The following EML4 variants were observed in gnomAD, a reference collection of about 807,000 sequenced individuals.
EML4 encodes echinoderm microtubule-associated protein-like 4.
Under a neutral mutation model 129.0 loss-of-function variants are expected in EML4, and 72 were observed. That is an observed-to-expected ratio of 0.56 (90% CI 0.46 to 0.68). The LOEUF (loss-of-function observed/expected upper bound fraction) is 0.68. Ranked by LOEUF, EML4 falls within the 30% of genes least tolerant of loss-of-function variation. EML4 has a pLI of 0.00. For missense variants in EML4, 1,363 were observed against 1,190.6 expected, an observed-to-expected ratio of 1.14 and a Z score of -2.13; for synonymous variants, 532 against 405.0, an observed-to-expected ratio of 1.31 and a Z score of -3.77.
At chr2:42,211,247 A>G (rs960538473) in intron 1 of EML4, among the ~76,000 whole-genome samples, 2 of 152,190 alleles carry the variant, frequency 1.3e-5, no homozygotes, top group African/African-American at 4.8e-5. Flanking sequence ...AAAAAAAATC[A>G]CATACTCCTG....
chr2:42,182,986 C>T (rs6712625), intron 1 of EML4, among the ~76,000 whole-genome samples: 1,704 of 152,204 alleles, frequency 0.011, 34 homozygotes, highest in African/African-American at 0.038. Context: ...CACTGCCTGT[C>T]TCTACCAAAA....
At chr2:42,239,174 A>G (rs1016551468) in intron 1 of EML4, among the ~76,000 whole-genome samples, 3 of 152,234 alleles carry the variant, frequency 2.0e-5, no homozygotes, top group South Asian at 2.1e-4. Context: ...AAGTGGTTAC[A>G]TTATGATGGT....
At chr2:42,189,449 G>A (rs1671454676) in intron 1 of EML4, among the ~76,000 whole-genome samples, 2 of 152,180 alleles carry the variant, frequency 1.3e-5, no homozygotes, top group South Asian at 4.1e-4. Flanking sequence ...GCGTGGTAGT[G>A]CATATCTGCA....
rs758655833 is a variant in EML4, at chr2:42,325,214, G to C, written c.2155-253G>C. 5.3e-6 allele frequency: 3 copies of C among 564,910 alleles called. No individual in the cohort carries two copies. In the Admixed American group the frequency reaches 5.7e-5, roughly 11 times the overall value. 35.0% of individuals were successfully genotyped at this position (564,910 alleles called of 1,614,324 possible). A position where few individuals can be genotyped will look rare whatever the true frequency, so the allele number is the denominator to read the frequency against. On this transcript the variant is annotated intron_variant, in intron 19 of 22. Coordinates refer to ENST00000318522, the MANE Select transcript of EML4 (RefSeq NM_019063.5). The stretch of plus-strand genomic sequence containing the variant: ...CTGTAAGATACAAGTTTAAGAGACT[G>C]TCTTTCTTGGAAGTGTCTAATACAG...
At chr2:42,318,277 A>G (rs1271323192) in intron 19 of EML4, among the ~76,000 whole-genome samples, 3 of 152,362 alleles carry the variant, frequency 2.0e-5, no homozygotes, top group South Asian at 4.1e-4. Flanking sequence ...AAAACAGTTC[A>G]TTTTAGGGAA....
At chr2:42,213,658 A>T (rs1045564948) in intron 1 of EML4, among the ~76,000 whole-genome samples, 1 of 152,220 alleles carries the variant, frequency 6.6e-6, no homozygotes, top group Non-Finnish European at 1.5e-5. Context: ...CGCAGCAGCG[A>T]TATGAATCTT....
At position 42,256,674 on chromosome 2, in the gene EML4, T is replaced by G. The variant is rs758825020; in HGVS notation, c.338+44T>G. The G allele has an allele frequency of 1.7e-5, 27 of 1,608,130 alleles. No homozygotes were observed. The South Asian group carries it at 2.1e-4, about 12-fold the overall frequency. ...GGGAAAAACTAACATTGCAGAATTG[T>G]CTGAATGTGGTAGAGATCTCCCTTT... On this transcript the variant is annotated intron_variant, in intron 3 of 22. Transcript: ENST00000318522.
intron 6 of EML4, among the ~76,000 whole-genome samples, chr2:42,278,105 C>T (rs115877337): frequency 2.0e-3 from 297 of 152,306 alleles, no homozygotes; most frequent in African/African-American, 6.9e-3. Context: ...TTGGCAAGTG[C>T]TAGACATTTC....
intron 6 of EML4, among the ~76,000 whole-genome samples, chr2:42,279,502 G>GGCT (rs1666881978): frequency 2.0e-5 from 3 of 150,844 alleles, no homozygotes; most frequent in Admixed American, 2.0e-4. Flanking sequence ...CTGTCACCCA[G>GGCT]GCTGGAGTGC....
At chr2:42,196,668 A>G (rs1360368444) in intron 1 of EML4, among the ~76,000 whole-genome samples, 1 of 152,228 alleles carries the variant, frequency 6.6e-6, no homozygotes, top group East Asian at 1.9e-4. Flanking sequence ...AAAGGGAAAG[A>G]TGGCCTTGTT....
intron 6 of EML4, among the ~76,000 whole-genome samples, chr2:42,274,142 T>C (rs1666526512): frequency 6.6e-6 from 1 of 152,188 alleles, no homozygotes. Flanking sequence ...AAGGCTCAAA[T>C]TAAGTAAAGA....
intron 1 of EML4, among the ~76,000 whole-genome samples, chr2:42,181,187 A>G (rs1317390726): frequency 3.3e-5 from 5 of 152,222 alleles, no homozygotes; most frequent in African/African-American, 1.2e-4. Flanking sequence ...CTGGTAGTTG[A>G]TAGCTATTTT....
chr2:42,329,807 T>C lies in EML4; in HGVS notation c.2546T>C (p.Leu849Pro). The C allele has an allele frequency of 6.2e-7, 1 of 1,614,126 alleles. No homozygotes were observed. Among genetic ancestry groups the C allele is most frequent in the Non-Finnish European group, 8.5e-7 (1 of 1,179,978 alleles). The change falls in exon 23 of 23, where the codon CTG becomes CCG. Residue 849 changes from leucine to proline, a missense_variant. Physicochemically the swap from Leu to Pro is moderately conservative, Grantham distance 98. Transcript: ENST00000318522. ...AGTTTTACTCACAATGACAGTCACC[T>C]GATATCAACTGGTGGAAAAGACATG... ...NVSFTHNDSHLISTGGKDMSI... is the reference protein window; with the variant it reads ...NVSFTHNDSHPISTGGKDMSI...
chr2:42,314,225 GGC>G (rs1486988694), intron 17 of EML4, among the ~76,000 whole-genome samples: 6 of 151,988 alleles, frequency 3.9e-5, no homozygotes, highest in Admixed American at 3.3e-4. Flanking sequence ...TGGGTGTGGT[GGC>G]GCCCACCTGT....
intron 16 of EML4, among the ~76,000 whole-genome samples, chr2:42,304,094 A>G (rs1668459423): frequency 6.6e-6 from 1 of 152,040 alleles, no homozygotes; most frequent in African/African-American, 2.4e-5. Context: ...CTGCTCACTA[A>G]CAGGCTCTAC....
chr2:42,221,699 G>A (rs1178119345), intron 1 of EML4, among the ~76,000 whole-genome samples: 1 of 151,936 alleles, frequency 6.6e-6, no homozygotes, highest in Non-Finnish European at 1.5e-5. Flanking sequence ...CGCCTCCTGG[G>A]TTCAAGGGAT....
In EML4 at chr2:42,211,297, G is replaced by A. The variant is rs538189735; in HGVS notation, c.26-34208G>A. Among the ~76,000 whole-genome samples the A allele has an allele frequency of 1.2e-4, 18 of 152,278 alleles. No homozygotes were observed. In the East Asian group the frequency reaches 3.3e-3, roughly 28 times the overall value. On this transcript the variant is annotated intron_variant, in intron 1 of 22. Coordinates refer to ENST00000318522, the MANE Select transcript of EML4 (RefSeq NM_019063.5). ...TGGTAGGGGTGTGAGGCTTATATGAGTTTAGGAAAGGAAGGGTTCTGTGTT... is the reference window on the plus strand; with the variant it reads ...TGGTAGGGGTGTGAGGCTTATATGAATTTAGGAAAGGAAGGGTTCTGTGTT...
chr2:42,318,918 C>T (rs1281063029), intron 19 of EML4, among the ~76,000 whole-genome samples: 1 of 151,966 alleles, frequency 6.6e-6, no homozygotes, highest in Non-Finnish European at 1.5e-5. Context: ...GTTGTCCAGG[C>T]TGGTCTCAAA....
At chr2:42,293,755 G>T (rs746355504) in intron 11 of EML4, among the ~76,000 whole-genome samples, 1 of 152,044 alleles carries the variant, frequency 6.6e-6, no homozygotes. Context: ...GGATAAAGGC[G>T]CCCACCACCA....
Sources: gnomAD v4.1 joint callset for allele counts (sites outside exome capture counted in the v4.1 genomes callset) on GRCh38, gnomAD v4.1.1 for gene constraint, MANE v1.5 for transcripts, NCBI Gene and HGNC (gene_info 2026-07-23, HGNC 2026-07-21) for gene names.